RGS9: variants seen among roughly 807,000 people sequenced by gnomAD.
RGS9 encodes the protein regulator of G protein signaling 9, also known as regulator of G-protein signalling 9.
RGS9 carries 78 observed loss-of-function variants against 102.0 expected under a neutral mutation model. The observed-to-expected ratio is 0.76, with a 90% CI of 0.64 to 0.92. The LOEUF is 0.92. RGS9 is among the 40% of genes least tolerant of loss of function. The pLI is 0.00. For synonymous variants in RGS9, 353 were observed against 318.6 expected (o/e 1.11, Z -1.15); for missense variants, 833 against 866.1 (o/e 0.96, Z 0.48).
chr17:65,159,854 AC>A (rs1910911007), intron 3 of RGS9, among the ~76,000 whole-genome samples: 1 of 152,152 alleles, frequency 6.6e-6, no homozygotes, highest in African/African-American at 2.4e-5. Context: ...TGTTGGTCCA[AC>A]AGAGACATTT....
intron 1 of RGS9, among the ~76,000 whole-genome samples, chr17:65,148,447 G>A (rs1910452908): frequency 6.6e-6 from 1 of 152,184 alleles, no homozygotes; most frequent in Admixed American, 6.5e-5. Flanking sequence ...GGTATTGTTG[G>A]ATGCTGTGGT....
Position 65,201,991 on chromosome 17 carries a change from A to C in RGS9, c.977-2A>C, listed in dbSNP as rs367855912. ...CATCCACGTGGACTTCTCACCATGCAGGAGAGAATCTGGGATTCTGGGAAG... is the reference window on the plus strand; with the variant it reads ...CATCCACGTGGACTTCTCACCATGCCGGAGAGAATCTGGGATTCTGGGAAG... On this transcript the variant is annotated splice_acceptor_variant, in intron 13 of 18. Transcript: ENST00000262406. LOFTEE classifies it high-confidence loss of function. 2.5e-6 allele frequency: 4 copies of C among 1,601,238 alleles called. No individual in the cohort carries two copies. The African/African-American group carries it at 4.0e-5, about 16-fold the overall frequency.
chr17:65,205,029 T>C (rs1912997319), intron 15 of RGS9, among the ~76,000 whole-genome samples: 1 of 152,136 alleles, frequency 6.6e-6, no homozygotes, highest in African/African-American at 2.4e-5. Flanking sequence ...CAAATTTGTG[T>C]GTGTGTGATT....
At chr17:65,204,566 G>A (rs1487213101) in intron 15 of RGS9, among the ~76,000 whole-genome samples, 1 of 152,034 alleles carries the variant, frequency 6.6e-6, no homozygotes, top group African/African-American at 2.4e-5. Flanking sequence ...GAAAGAGAGA[G>A]AAAGAGAAAA....
In RGS9 at chr17:65,177,800, C is replaced by A. The variant is rs1911705651; in HGVS notation, c.651C>A (p.Asn217Lys). The change falls in exon 9 of 19, where the codon AAC (asparagine) becomes AAA (lysine). Residue 217 changes from asparagine to lysine, a missense_variant. By Grantham distance (94) the Asn-to-Lys change is moderately conservative (BLOSUM62 0). Coordinates refer to ENST00000262406, the MANE Select transcript of RGS9 (RefSeq NM_003835.4). ...CCAATCCGAATGAAGTCAAGGTAAA[C>A]CAGGTATGTCTCTGCTGCATAGTTT... ...RVTNPNEVKV[N>K]QKQTVVAVKK... 1.2e-6 allele frequency: 2 copies of A among 1,613,774 alleles called. No individual in the cohort carries two copies. The highest frequency in any genetic ancestry group is 1.3e-5 in the African/African-American group (1 of 74,914).
intron 1 of RGS9, among the ~76,000 whole-genome samples, chr17:65,140,082 G>T (rs1910097901): frequency 6.6e-6 from 1 of 152,206 alleles, no homozygotes; most frequent in South Asian, 2.1e-4. Flanking sequence ...TTAGCTGGAG[G>T]TTATGGCCAC....
chr17:65,190,299 C>T (rs1912319505), intron 11 of RGS9, 63 bp downstream of exon 11: 1 of 1,322,120 alleles, frequency 7.6e-7, no homozygotes, highest in Admixed American at 1.7e-5. Flanking sequence ...AGGAGAACTT[C>T]TGCAAACTCG....
At chr17:65,185,459 G>A (rs919200853) in intron 9 of RGS9, 2 of 152,822 alleles carry the variant, frequency 1.3e-5, no homozygotes, top group Admixed American at 6.5e-5. Flanking sequence ...CCTGGAATTG[G>A]GCATCAGTTT....
chr17:65,142,574 C>CT (rs745663576), intron 1 of RGS9, among the ~76,000 whole-genome samples: 9,702 of 137,624 alleles, frequency 0.07, 885 homozygotes, highest in African/African-American at 0.22. Context: ...CCCTTCCTTT[C>CT]TTTTTTTTTT....
At chr17:65,213,198 A>G (rs1386519534) in intron 17 of RGS9, among the ~76,000 whole-genome samples, 1 of 152,196 alleles carries the variant, frequency 6.6e-6, no homozygotes, top group East Asian at 1.9e-4. Context: ...AAGATTTGGA[A>G]TGGGAGGAAA....
At chr17:65,147,322 C>G (rs1386843332) in intron 1 of RGS9, among the ~76,000 whole-genome samples, 1 of 152,180 alleles carries the variant, frequency 6.6e-6, no homozygotes, top group African/African-American at 2.4e-5. Context: ...CTCAGAGTGG[C>G]CTCAGCTGTG....
At chr17:65,209,308 AG>A (rs1177674778) in intron 16 of RGS9, among the ~76,000 whole-genome samples, 4 of 152,228 alleles carry the variant, frequency 2.6e-5, no homozygotes, top group Non-Finnish European at 5.9e-5. Context: ...TCCTCTTGGC[AG>A]GGCTGGTGAG....
chr17:65,158,833 C>G (rs77324013), intron 3 of RGS9: 4,884 of 255,312 alleles, frequency 0.019, 254 homozygotes, highest in African/African-American at 0.1. Context: ...CAATAGGAAG[C>G]CACAGGCAAT....
Position 65,173,583 on chromosome 17 carries a change from C to T in RGS9, c.583-4149C>T, listed in dbSNP as rs1408054611. Among the ~76,000 whole-genome samples, 1 of 152,230 alleles carries T rather than the reference C, an allele frequency of 6.6e-6. No individual in the cohort carries two copies. The highest frequency in any genetic ancestry group is 1.5e-5 in the Non-Finnish European group (1 of 68,028). On this transcript the variant is annotated intron_variant, in intron 8 of 18. Transcript: ENST00000262406. This position sits in a 1 kb window ranked among gnomAD's most constrained non-coding sequence, Gnocchi z 4.8. ...GGTCATACCCTGGTGTTCACAGTTCCTCAGGGTGGAGGAGGGGAGCTTGCA... is the reference window on the plus strand; with the variant it reads ...GGTCATACCCTGGTGTTCACAGTTCTTCAGGGTGGAGGAGGGGAGCTTGCA...
intron 1 of RGS9, among the ~76,000 whole-genome samples, chr17:65,139,108 C>CA (rs1910045367): frequency 2.4e-5 from 1 of 40,936 alleles, no homozygotes. Flanking sequence ...GCTCTCCCCC[C>CA]TCCACCCCAC....
chr17:65,218,579 T>A (rs756786771), intron 17 of RGS9, among the ~76,000 whole-genome samples: 1 of 152,254 alleles, frequency 6.6e-6, no homozygotes, highest in Non-Finnish European at 1.5e-5. Context: ...GAAGTTATCA[T>A]TTCTCTTAGA....
At chr17:65,212,668 T>C (rs998688853) in intron 17 of RGS9, among the ~76,000 whole-genome samples, 1 of 152,214 alleles carries the variant, frequency 6.6e-6, no homozygotes, top group Non-Finnish European at 1.5e-5. Context: ...CTGTGGTCAC[T>C]GGTTTCATGT....
At chr17:65,170,678 C>G (rs1222321587) in intron 8 of RGS9, among the ~76,000 whole-genome samples, 1 of 152,144 alleles carries the variant, frequency 6.6e-6, no homozygotes, top group Non-Finnish European at 1.5e-5. Context: ...TTTACACGTG[C>G]CTGGTCCTTC....
In RGS9 at chr17:65,191,767, G is replaced by A. The variant is rs568343303; in HGVS notation, c.746+1531G>A. Among the ~76,000 whole-genome samples, 6 of 152,158 alleles carry A rather than the reference G, an allele frequency of 3.9e-5. No individual in the cohort carries two copies. In the South Asian group the frequency reaches 8.3e-4, roughly 21 times the overall value. On this transcript the variant is annotated intron_variant, in intron 11 of 18. Transcript: ENST00000262406. Reference sequence around the variant, plus strand: ...GTCTCAAAAAGAAAAAAATAAAAAAGGTCTGATTGTCGACTAAGAGAGTCT... The same window carrying A: ...GTCTCAAAAAGAAAAAAATAAAAAAAGTCTGATTGTCGACTAAGAGAGTCT...
Sources: allele counts gnomAD v4.1 joint callset (sites outside exome capture counted in the v4.1 genomes callset), GRCh38; gene constraint gnomAD v4.1.1; non-coding constraint Gnocchi (gnomAD v3.1); transcripts MANE v1.5; gene names NCBI Gene and HGNC (gene_info 2026-07-23, HGNC 2026-07-21).